Variants in RAB3C observed in about 807,000 individuals in gnomAD.
RAB3C encodes RAB3C, member RAS oncogene family.
A neutral mutation model predicts 26.4 loss-of-function variants in RAB3C; 17 were observed. The ratio of observed to expected loss-of-function variants is 0.64; its 90% CI spans 0.44 to 0.97. The LOEUF (loss-of-function observed/expected upper bound fraction) is 0.97, where lower values mean the gene tolerates loss of function less well. RAB3C is among the 50% of genes least tolerant of loss of function. The probability of loss-of-function intolerance (pLI) is 0.00; values close to 1 mark genes in which losing one functional copy is unlikely to be tolerated. For missense variants in RAB3C, 242 were observed against 281.9 expected (o/e 0.86, Z 1.01); for synonymous variants, 91 against 95.9 (o/e 0.95, Z 0.30).
intron 3 of RAB3C, among the ~76,000 whole-genome samples, chr5:58,747,648 T>G (rs1741428127): frequency 6.6e-6 from 1 of 151,986 alleles, no homozygotes; most frequent in African/African-American, 2.4e-5. Context: ...AATTGCACAA[T>G]ATGGATTCAT....
In RAB3C at chr5:58,726,165, C is replaced by T. The variant is rs145967866; in HGVS notation, c.371+45C>T. On this transcript the variant is annotated intron_variant, in intron 3 of 4. Transcript: ENST00000282878. The stretch of plus-strand genomic sequence containing the variant: ...CTTATTACTGATAATGATGGTTCTC[C>T]GGTCAACTCTGTCTTTCTTCCCAAA... 9.5e-4 allele frequency: 935 copies of T among 982,128 alleles called. 8 individuals are homozygous for T. The highest frequency in any genetic ancestry group is 3.2e-3 in the South Asian group (209 of 64,606). 60.8% of individuals were successfully genotyped at this position (982,128 alleles called of 1,614,324 possible). A position where few individuals can be genotyped will look rare whatever the true frequency, so the allele number is the denominator to read the frequency against.
intron 3 of RAB3C, among the ~76,000 whole-genome samples, chr5:58,788,903 A>G (rs1341232318): frequency 1.3e-5 from 2 of 152,174 alleles, no homozygotes; most frequent in South Asian, 2.1e-4. Flanking sequence ...AATGCCTGTC[A>G]AGGTTTTGTG....
intron 2 of RAB3C, among the ~76,000 whole-genome samples, chr5:58,716,873 AC>A (rs1749183805): frequency 6.6e-6 from 1 of 151,830 alleles, no homozygotes; most frequent in South Asian, 2.1e-4. Context: ...TCCATATGAT[AC>A]TATAATTGTG....
intron 3 of RAB3C, among the ~76,000 whole-genome samples, chr5:58,786,843 C>T (rs1269548520): frequency 1.3e-5 from 2 of 151,992 alleles, no homozygotes; most frequent in Non-Finnish European, 2.9e-5. Flanking sequence ...CCTCACCCCC[C>T]GCCAGCCCCC....
intron 2 of RAB3C, among the ~76,000 whole-genome samples, chr5:58,636,359 TCTGTATTCA>T (rs1220018475): frequency 6.6e-6 from 1 of 152,204 alleles, no homozygotes; most frequent in African/African-American, 2.4e-5. Context: ...AATGCTAATC[TCTGTATTCA>T]GTTTGGGTTC....
At position 58,859,265 on chromosome 5, in the gene RAB3C, T is replaced by TA; in HGVS notation, c.*7919dup. The stretch of plus-strand genomic sequence containing the variant: ...ATTATCTTTATTGAAATTAATTGTG[T>TA]AAAAATGGTATGTGCTCTATTAGGT... On this transcript the variant is annotated 3_prime_UTR_variant, in exon 5 of 5. Coordinates refer to ENST00000282878, the MANE Select transcript of RAB3C (RefSeq NM_138453.4). 6.6e-6 allele frequency: 1 copy of TA among 152,356 alleles called. No homozygotes were observed. 9.4% of individuals were successfully genotyped at this position (152,356 alleles called of 1,614,324 possible). A position where few individuals can be genotyped will look rare whatever the true frequency, so the allele number is the denominator to read the frequency against.
intron 2 of RAB3C, among the ~76,000 whole-genome samples, chr5:58,676,824 T>A (rs984115798): frequency 2.1e-4 from 32 of 152,148 alleles, no homozygotes; most frequent in South Asian, 2.1e-4. Context: ...AGACTTTTTT[T>A]AAAAAAAGTT....
intron 4 of RAB3C, among the ~76,000 whole-genome samples, chr5:58,839,701 G>T (rs1743836489): frequency 6.6e-6 from 1 of 151,942 alleles, no homozygotes; most frequent in Non-Finnish European, 1.5e-5. Context: ...TTCATATATT[G>T]CCTCTACTAG....
chr5:58,627,389 C>T (rs1342146689), intron 2 of RAB3C, among the ~76,000 whole-genome samples: 2 of 83,598 alleles, frequency 2.4e-5, no homozygotes, highest in Non-Finnish European at 4.8e-5. Context: ...GGCGTGAACC[C>T]GGGAAGCGGA....
At chr5:58,808,246 AT>A (rs1742990012) in intron 3 of RAB3C, among the ~76,000 whole-genome samples, 1 of 151,748 alleles carries the variant, frequency 6.6e-6, no homozygotes, top group African/African-American at 2.4e-5. Flanking sequence ...AAAAAAAGAA[AT>A]AACTTTAGTT....
intron 2 of RAB3C, among the ~76,000 whole-genome samples, chr5:58,658,623 GC>G (rs1373907160): frequency 6.6e-6 from 1 of 152,150 alleles, no homozygotes; most frequent in East Asian, 1.9e-4. Flanking sequence ...AATTTCCTTA[GC>G]CTACTATTCT....
Position 58,583,093 on chromosome 5 carries a change from G to T in RAB3C, c.-116G>T. The T allele has an allele frequency of 6.4e-7, 1 of 1,567,172 alleles. No homozygotes were observed. Among genetic ancestry groups the T allele is most frequent in the Non-Finnish European group, 8.6e-7 (1 of 1,159,368 alleles). On this transcript the variant is annotated 5_prime_UTR_variant, in exon 1 of 5. Transcript: ENST00000282878. ...CAGCTCCAGTGCTGATGTTGGAGCCGGTTAGCGAACCCCAAGAGTGCAGAG... is the reference window on the plus strand; with the variant it reads ...CAGCTCCAGTGCTGATGTTGGAGCCTGTTAGCGAACCCCAAGAGTGCAGAG...
intron 2 of RAB3C, among the ~76,000 whole-genome samples, chr5:58,642,600 T>C (rs1182881033): frequency 2.0e-5 from 3 of 152,158 alleles, no homozygotes; most frequent in African/African-American, 7.2e-5. Context: ...GAAAGCTGAG[T>C]TGTGACTTGC....
At chr5:58,605,631 C>T (rs1401800650) in intron 1 of RAB3C, among the ~76,000 whole-genome samples, 1 of 152,158 alleles carries the variant, frequency 6.6e-6, no homozygotes, top group African/African-American at 2.4e-5. Context: ...GGCGCGGTGG[C>T]TCACACCTGT....
At chr5:58,649,786 CA>C (rs1747604879) in intron 2 of RAB3C, among the ~76,000 whole-genome samples, 2 of 152,130 alleles carry the variant, frequency 1.3e-5, no homozygotes, top group African/African-American at 4.8e-5. Flanking sequence ...ATTATCTTTC[CA>C]GGAAACTCTG....
intron 3 of RAB3C, among the ~76,000 whole-genome samples, chr5:58,819,643 G>A (rs935831987): frequency 6.6e-6 from 1 of 152,202 alleles, no homozygotes; most frequent in African/African-American, 2.4e-5. Context: ...GGGAGGCCGA[G>A]GCAGGCAGAT....
intron 3 of RAB3C, among the ~76,000 whole-genome samples, chr5:58,727,992 AC>A (rs1740927153): frequency 6.6e-6 from 1 of 151,856 alleles, no homozygotes; most frequent in African/African-American, 2.4e-5. Flanking sequence ...AAACTTTCCA[AC>A]ATTTGTGCTT....
chr5:58,611,678 G>A (rs550109048), intron 1 of RAB3C, among the ~76,000 whole-genome samples: 7 of 152,114 alleles, frequency 4.6e-5, no homozygotes, highest in African/African-American at 1.7e-4. Flanking sequence ...CTATTCTGTA[G>A]GTTGTCTGTT....
In RAB3C at chr5:58,601,992, T is replaced by C. The variant is rs139522604; in HGVS notation, c.25-15651T>C. Among the ~76,000 whole-genome samples, 87 of 152,248 alleles carry C rather than the reference T, an allele frequency of 5.7e-4. No individual in the cohort carries two copies. In the East Asian group the frequency reaches 0.017, roughly 29 times the overall value. On this transcript the variant is annotated intron_variant, in intron 1 of 4. Transcript: ENST00000282878. ...TTTCTGATGTGGGTGTTTAAGGCTA[T>C]GAACTTTCCTCTTAGTACTGCCTTA...
Sources: allele counts gnomAD v4.1 joint callset (sites outside exome capture counted in the v4.1 genomes callset), GRCh38; gene constraint gnomAD v4.1.1; transcripts MANE v1.5; gene names NCBI Gene and HGNC (gene_info 2026-07-23, HGNC 2026-07-21).